Variants in HLA-B observed in about 807,000 individuals in gnomAD.
The protein encoded by HLA-B is HLA class I antigen HLA-B.
Under a neutral mutation model 41.5 loss-of-function variants are expected in HLA-B, and 31 were observed. The ratio of observed to expected loss-of-function variants is 0.75; its 90% CI spans 0.56 to 1.01. The LOEUF is 1.01. Ranked by LOEUF, HLA-B falls within the 50% of genes least tolerant of loss-of-function variation. The pLI, the probability that HLA-B is intolerant of heterozygous loss-of-function variation, is 0.00. For missense variants in HLA-B, 369 were observed against 457.2 expected, an observed-to-expected ratio of 0.81 and a Z score of 1.76; for synonymous variants, 138 against 189.0, an observed-to-expected ratio of 0.73 and a Z score of 2.21.
chr6:31,356,724 GC>G lies in HLA-B; in HGVS notation c.306del (p.Arg103GlyfsTer48). ...TGGTTGTAGTAGCCGCGCAGGTTCCGCAGGCTCTCTCGGTCAGTCTGTGCCT... is the reference window on the plus strand; with the variant it reads ...TGGTTGTAGTAGCCGCGCAGGTTCCGAGGCTCTCTCGGTCAGTCTGTGCCT... ...KAQAQTDRES[L>X]RNLRGYYNQS... On this transcript the variant is annotated frameshift_variant, in exon 2 of 8. Transcript: ENST00000412585. LOFTEE classifies it high-confidence loss of function. 1 of 1,192,768 alleles carries G rather than the reference GC, an allele frequency of 8.4e-7. No individual in the cohort carries two copies. Among genetic ancestry groups the G allele is most frequent in the Non-Finnish European group, 1.1e-6 (1 of 909,196 alleles). The allele number at this position is 1,192,768 out of a possible 1,614,324, so 73.9% of individuals were successfully genotyped here. A position where few individuals can be genotyped will look rare whatever the true frequency, so the allele number is the denominator to read the frequency against.
rs1365142142 is a variant in HLA-B, at chr6:31,354,484, C to A, written c.1088G>T (p.Ter363LeuextTer3). 3 of 1,181,020 alleles carry A rather than the reference C, an allele frequency of 2.5e-6. No homozygotes were observed. Among genetic ancestry groups the A allele is most frequent in the Non-Finnish European group, 3.3e-6 (3 of 904,774 alleles). 73.2% of individuals were successfully genotyped at this position (1,181,020 alleles called of 1,614,324 possible). Residue 363 changes from the stop codon to leucine (L), a stop_lost, in exon 7 of 8, where the codon TGA becomes TTA. Transcript: ENST00000412585. ...CTAGACCCCAAGAATCTCACCTTTT[C>A]AAGCTGTGAGAGACACATCAGAGCC... ...AQGSDVSLTA[*>L] is the part of the protein sequence containing the mutation.
chr6:31,356,562 G>T, intron 2 of HLA-B, 120 bp from the exon 3 acceptor site: 2 of 1,114,382 alleles, frequency 1.8e-6, no homozygotes, highest in Non-Finnish European at 2.5e-6. Context: ...GCTCTCGCCG[G>T]TCGAGGGTCT....
In HLA-B at chr6:31,355,617, A is replaced by T; in HGVS notation, c.620-25T>A. Reference sequence around the variant, plus strand: ...TCTGATGGGAAGAGTCAGAAAATTCAGGCGCTTTGCATCTTTCATGGGACA... The same window carrying T: ...TCTGATGGGAAGAGTCAGAAAATTCTGGCGCTTTGCATCTTTCATGGGACA... On this transcript the variant is annotated intron_variant, in intron 3 of 7. Transcript: ENST00000412585. 1.5e-6 allele frequency: 2 copies of T among 1,317,486 alleles called. 1 individual carries two copies. Among genetic ancestry groups the T allele is most frequent in the South Asian group, 2.5e-5 (2 of 80,288 alleles). 81.6% of individuals were successfully genotyped at this position (1,317,486 alleles called of 1,614,324 possible). A position where few individuals can be genotyped will look rare whatever the true frequency, so the allele number is the denominator to read the frequency against.
chr6:31,354,479 CT>C lies in HLA-B; in HGVS notation c.*3del. The C allele has an allele frequency of 8.1e-7, 1 of 1,240,248 alleles. No homozygotes were observed. The highest frequency in any genetic ancestry group is 1.1e-6 in the Non-Finnish European group (1 of 938,946). 76.8% of individuals were successfully genotyped at this position (1,240,248 alleles called of 1,614,324 possible). ...CCACTCTAGACCCCAAGAATCTCAC[CT>C]TTTCAAGCTGTGAGAGACACATCAG... On this transcript the variant is annotated splice_region_variant and 3_prime_UTR_variant, in exon 7 of 8. Coordinates refer to ENST00000412585, the MANE Select transcript of HLA-B (RefSeq NM_005514.8).
In HLA-B at chr6:31,355,340, G is replaced by A. The variant is rs1611623; in HGVS notation, c.872C>T (p.Pro291Leu). The A allele has an allele frequency of 1.6e-5, 26 of 1,581,346 alleles. No individual in the cohort carries two copies. The Admixed American group carries it at 1.8e-4, about 11-fold the overall frequency. The change falls in exon 4 of 8, where the codon CCG becomes CTG. Residue 291 changes from proline (P) to leucine (L), a missense_variant. Around this residue, in one of 6 missense-constraint regions of HLA-B, gnomAD observed 23 missense variants for 37.0 expected, o/e 0.62. Transcript: ENST00000412585. ...ACCCCATCTCAGGGTGAGGGGCTTCGGCAGCCCCTCATGCTGTACATGGCA... is the reference window on the plus strand; with the variant it reads ...ACCCCATCTCAGGGTGAGGGGCTTCAGCAGCCCCTCATGCTGTACATGGCA... ...YTCHVQHEGLPKPLTLRWEPS... is the reference protein window; with the variant it reads ...YTCHVQHEGLLKPLTLRWEPS...
chr6:31,354,440 A>AACCCCCCCCCCCCCCCCC, intron 7 of HLA-B, 39 bp downstream of exon 7: 1 of 308,260 alleles, frequency 3.2e-6, no homozygotes, highest in South Asian at 2.5e-5. Flanking sequence ...CCACCCCCAG[A>AACCCCCCCCCCCCCCCCC]CCCGCCACCC....
At position 31,356,870 on chromosome 6, in the gene HLA-B, T is replaced by C. The variant is rs9266183; in HGVS notation, c.161A>G (p.Asp54Gly). 44,753 of 1,141,880 alleles carry C rather than the reference T, an allele frequency of 0.039. 8,691 individuals carry two copies. The highest frequency in any genetic ancestry group is 0.06 in the Middle Eastern group (188 of 3,132). 70.7% of individuals were successfully genotyped at this position (1,141,880 alleles called of 1,614,324 possible). ...GCTGTCGAACCTCACGAACTGGGTGTCGTCCACGTAGCCCACTGAGATGAA... is the reference window on the plus strand; with the variant it reads ...GCTGTCGAACCTCACGAACTGGGTGCCGTCCACGTAGCCCACTGAGATGAA... Reference protein sequence around the residue: ...PRFISVGYVDDTQFVRFDSDA... With the variant: ...PRFISVGYVDGTQFVRFDSDA... Residue 54 changes from aspartate to glycine, a missense_variant, in exon 2 of 8, where the codon GAC (aspartate) becomes GGC (glycine). This residue lies in a region of HLA-B where 113 missense variants were observed against 173.2 expected (regional missense o/e 0.65). Coordinates refer to ENST00000412585, the MANE Select transcript of HLA-B (RefSeq NM_005514.8).
chr6:31,354,436 CCAGACCCGCCA>C (rs281864648), intron 7 of HLA-B, 32 bp downstream of exon 7: 1 of 400,444 alleles, frequency 2.5e-6, no homozygotes, highest in East Asian at 5.6e-5. Context: ...CCACCCACCC[CCAGACCCGCCA>C]CCCCACCCAC....
intron 5 of HLA-B, 137 bp downstream of exon 5, chr6:31,354,970 C>T: frequency 3.0e-6 from 1 of 337,934 alleles, no homozygotes; most frequent in Middle Eastern, 8.8e-4. Flanking sequence ...TAAGTGCTGG[C>T]ACACAGGGTC....
chr6:31,355,816 G>T, intron 3 of HLA-B: 1 of 668,642 alleles, frequency 1.5e-6, no homozygotes. Context: ...TCTGAGTGGA[G>T]GTAAAGTGAC....
chr6:31,354,369 C>A, intron 7 of HLA-B, 73 bp from the exon 8 acceptor site: 2 of 463,582 alleles, frequency 4.3e-6, no homozygotes, highest in Non-Finnish European at 3.9e-6. Flanking sequence ...CAGCCCACCA[C>A]ACACGCGAAA....
chr6:31,354,359 C>T, intron 7 of HLA-B, 63 bp from the exon 8 acceptor site: 1 of 473,104 alleles, frequency 2.1e-6, no homozygotes, highest in Non-Finnish European at 3.9e-6. Flanking sequence ...ACACTCTAAA[C>T]AGCCCACCAC....
At chr6:31,357,037 C>A in intron 1 of HLA-B, 49 bp downstream of exon 1, 2 of 917,834 alleles carry the variant, frequency 2.2e-6, no homozygotes, top group South Asian at 4.4e-5. Flanking sequence ...CGCCTGCGGT[C>A]CCCTCGCTCC....
Position 31,356,829 on chromosome 6 carries a change from TC to T in HLA-B, c.201del (p.Arg68GlufsTer9). ...FVRFDSDAASPREEPRAPWIE... is the reference protein window; with the variant it reads ...FVRFDSDAASXREEPRAPWIE... Reference sequence around the variant, plus strand: ...ATCCACGGCGCCCGCGGCTCCTCTCTCGGACTCGCGGCGTCGCTGTCGAACC... The same window carrying T: ...ATCCACGGCGCCCGCGGCTCCTCTCTGGACTCGCGGCGTCGCTGTCGAACC... On this transcript the variant is annotated frameshift_variant, in exon 2 of 8. Transcript: ENST00000412585. LOFTEE classifies it high-confidence loss of function. 2 of 1,184,538 alleles carry T rather than the reference TC, an allele frequency of 1.7e-6. No homozygotes were observed. The highest frequency in any genetic ancestry group is 2.2e-6 in the Non-Finnish European group (2 of 891,160). 73.4% of individuals were successfully genotyped at this position (1,184,538 alleles called of 1,614,324 possible).
chr6:31,354,440 A>AACCCCCCC, intron 7 of HLA-B, 39 bp downstream of exon 7: 2 of 308,260 alleles, frequency 6.5e-6, no homozygotes, highest in Non-Finnish European at 1.1e-5. Flanking sequence ...CCACCCCCAG[A>AACCCCCCC]CCCGCCACCC....
At chr6:31,354,563 G>A (rs3926873) in intron 6 of HLA-B, 37 bp from the exon 7 acceptor site, 38,161 of 1,385,968 alleles carry the variant, frequency 0.028, 2,069 homozygotes, top group Admixed American at 0.11. Context: ...GTCAGAGCCC[G>A]CAGGAGACGT....
chr6:31,355,790 G>T, intron 3 of HLA-B, 198 bp from the exon 4 acceptor site: 2 of 634,470 alleles, frequency 3.2e-6, no homozygotes, highest in South Asian at 1.6e-5. Context: ...CGGGGAACAG[G>T]GACTTCTGCT....
At position 31,354,288 on chromosome 6, in the gene HLA-B, T is replaced by C. The variant is rs1432333791; in HGVS notation, c.*13A>G. 2 of 625,368 alleles carry C rather than the reference T, an allele frequency of 3.2e-6. No homozygotes were observed. The highest frequency in any genetic ancestry group is 1.8e-5 in the African/African-American group (1 of 54,268). The allele number at this position is 625,368 out of a possible 1,614,324, so 38.7% of individuals were successfully genotyped here. Reference sequence around the variant, plus strand: ...GCATCTCAGTCCCTCACAAGACAGCTGTCTCAGGCTACAGAAAACAACAGT... The same window carrying C: ...GCATCTCAGTCCCTCACAAGACAGCCGTCTCAGGCTACAGAAAACAACAGT... On this transcript the variant is annotated 3_prime_UTR_variant, in exon 8 of 8. Coordinates refer to ENST00000412585, the MANE Select transcript of HLA-B (RefSeq NM_005514.8).
At chr6:31,355,781 G>T in intron 3 of HLA-B, 189 bp from the exon 4 acceptor site, 2 of 689,352 alleles carry the variant, frequency 2.9e-6, no homozygotes, top group Non-Finnish European at 5.2e-6. Flanking sequence ...GTCTCTGAGC[G>T]GGGAACAGGG....
Sources: gnomAD v4.1 joint callset for allele counts on GRCh38, gnomAD v4.1.1 for gene constraint, gnomAD v4.1.1 regional missense constraint, MANE v1.5 for transcripts, NCBI Gene and HGNC (gene_info 2026-07-23, HGNC 2026-07-21) for gene names.